JAK1: variants seen among roughly 807,000 people sequenced by gnomAD.
JAK1 encodes the protein tyrosine-protein kinase JAK1.
A neutral mutation model predicts 136.6 loss-of-function variants in JAK1; 16 were observed. That is an observed-to-expected ratio of 0.12 (90% confidence interval 0.08 to 0.18). The LOEUF is 0.18. JAK1 is among the 10% of genes least tolerant of loss of function. The pLI, the probability that JAK1 is intolerant of heterozygous loss-of-function variation, is 1.00. For missense variants in JAK1, 859 were observed against 1,450.1 expected (o/e 0.59, Z 6.62); for synonymous variants, 492 against 519.5 (o/e 0.95, Z 0.72).
chr1:64,896,691 T>C (rs1223260465), intron 1 of JAK1, among the ~76,000 whole-genome samples: 2 of 152,042 alleles, frequency 1.3e-5, no homozygotes, highest in African/African-American at 4.8e-5. Flanking sequence ...CCCAAGCACA[T>C]AGCAAGGTAA....
At position 64,844,643 on chromosome 1, in the gene JAK1, TAC is replaced by T; in HGVS notation, c.2251+109_2251+110del. The stretch of plus-strand genomic sequence containing the variant: ...TGGTGAAACCCCGTCTCTACTAAAA[TAC>T]AAAAAAAAAATGACTCTCTAAAAGG... On this transcript the variant is annotated intron_variant, in intron 16 of 24. Coordinates refer to ENST00000342505, the MANE Select transcript of JAK1 (RefSeq NM_002227.4). The surrounding 1 kb of genome is among the most constrained non-coding windows in gnomAD (Gnocchi z 5.7). The T allele has an allele frequency of 1.5e-6, 2 of 1,304,960 alleles. No homozygotes were observed. Among genetic ancestry groups the T allele is most frequent in the South Asian group, 2.6e-5 (2 of 77,894 alleles). 80.8% of individuals were successfully genotyped at this position (1,304,960 alleles called of 1,614,324 possible). A position where few individuals can be genotyped will look rare whatever the true frequency, so the allele number is the denominator to read the frequency against.
intron 7 of JAK1, among the ~76,000 whole-genome samples, chr1:64,865,357 A>G (rs185036931): frequency 6.6e-6 from 1 of 152,350 alleles, no homozygotes; most frequent in East Asian, 1.9e-4. Context: ...GTTACCACTG[A>G]GCTGAACATG....
At chr1:64,927,715 T>C (rs189411536) in intron 1 of JAK1, among the ~76,000 whole-genome samples, 17 of 152,320 alleles carry the variant, frequency 1.1e-4, no homozygotes, top group African/African-American at 4.1e-4. Context: ...ATTCTCTCTA[T>C]TTGGTCAACG....
chr1:65,020,225 C>CAAAAAA (rs375362876), intron 2 of JAK1, among the ~76,000 whole-genome samples: 4 of 50,766 alleles, frequency 7.9e-5, no homozygotes, highest in Admixed American at 2.1e-4. Flanking sequence ...AACTCCGTCT[C>CAAAAAA]AAAAAAAAAA....
At chr1:64,867,507 A>G (rs1051752357) in intron 6 of JAK1, among the ~76,000 whole-genome samples, 1 of 152,218 alleles carries the variant, frequency 6.6e-6, no homozygotes, top group African/African-American at 2.4e-5. Flanking sequence ...TTTGCTTGCT[A>G]GCTTCACCAT....
intron 4 of JAK1, among the ~76,000 whole-genome samples, chr1:64,875,772 T>C (rs2101180458): frequency 6.6e-6 from 1 of 152,228 alleles, no homozygotes; most frequent in East Asian, 1.9e-4. Flanking sequence ...GCTGGACTGT[T>C]CCCTTACCCT....
At chr1:64,912,204 T>G (rs957484840) in intron 1 of JAK1, among the ~76,000 whole-genome samples, 2 of 152,184 alleles carry the variant, frequency 1.3e-5, no homozygotes, top group African/African-American at 4.8e-5. Context: ...GACAATTTTT[T>G]GAACTCTCCA....
chr1:65,052,898 G>A lies in JAK1; in HGVS notation c.-180-8316C>T, dbSNP rs1450960733. ...AAAAAAAAATTAGCCAAGCATGGCG[G>A]CGCATGCCTGTAATCCCAGCTACTC... On this transcript the variant is annotated intron_variant, in intron 1 of 25. Coordinates refer to the JAK1 transcript ENST00000671954. Among the ~76,000 whole-genome samples, 4 of 151,146 alleles carry A rather than the reference G, an allele frequency of 2.6e-5. No homozygotes were observed. The South Asian group carries it at 6.3e-4, about 24-fold the overall frequency.
rs2101008585 is a variant in JAK1 at position 64,846,684 on chromosome 1, A to G, written c.1952T>C (p.Val651Ala). The change falls in exon 14 of 25, where the codon GTG (valine) becomes GCG (alanine). Residue 651 changes from valine (V) to alanine (A), a missense_variant. Physicochemically the swap from Val to Ala is moderately conservative, Grantham distance 64 (BLOSUM62 0). Around this residue, in one of 4 missense-constraint regions of JAK1, gnomAD observed 409 missense variants for 753.8 expected, o/e 0.54. Transcript: ENST00000342505. ...MMRQVSHKHI[V>A]YLYGVCVRDV... is the part of the protein sequence containing the mutation. ...GCGGACACAGACGCCATAGAGGTAC[A>G]CGATGTGTTTGTGGGAGACCTGTCT... The G allele has an allele frequency of 1.2e-6, 2 of 1,614,094 alleles. No homozygotes were observed. The highest frequency in any genetic ancestry group is 4.5e-5 in the East Asian group (2 of 44,868).
intron 1 of JAK1, among the ~76,000 whole-genome samples, chr1:64,890,274 T>C (rs1046444982): frequency 1.3e-5 from 2 of 151,964 alleles, no homozygotes; most frequent in African/African-American, 4.8e-5. Flanking sequence ...TTGTATTTAG[T>C]GCTTTATCCT....
At chr1:64,948,159 T>C (rs1328057268) in intron 1 of JAK1, among the ~76,000 whole-genome samples, 1 of 152,196 alleles carries the variant, frequency 6.6e-6, no homozygotes, top group Non-Finnish European at 1.5e-5. Context: ...CTTGGTTTGG[T>C]TCCCACTAAT....
rs13375281 is a variant in JAK1 at position 65,040,996 on chromosome 1, A to G, written c.-78+3484T>C. Among the ~76,000 whole-genome samples, 369 of 152,254 alleles carry G rather than the reference A, an allele frequency of 2.4e-3. 2 individuals carry two copies. The highest frequency in any genetic ancestry group is 8.6e-3 in the African/African-American group (356 of 41,568). On this transcript the variant is annotated intron_variant, in intron 2 of 25. Coordinates refer to the JAK1 transcript ENST00000671954. ...GTATATCATCGCTCCTGTTGCTATC[A>G]CAGATCCATCATTTCAATGTAGTGG...
intron 2 of JAK1, among the ~76,000 whole-genome samples, chr1:64,999,585 A>T (rs1463301083): frequency 6.6e-6 from 1 of 152,102 alleles, no homozygotes; most frequent in Non-Finnish European, 1.5e-5. Context: ...AATAGAAAAA[A>T]TTAACTGGGT....
chr1:64,918,721 G>A (rs1470324666), intron 1 of JAK1: 1 of 173,200 alleles, frequency 5.8e-6, no homozygotes, highest in Non-Finnish European at 1.2e-5. Flanking sequence ...TTAGAATGAA[G>A]ATCTTCCAGA....
At chr1:64,858,305 A>G (rs1022782270) in intron 9 of JAK1, among the ~76,000 whole-genome samples, 1 of 152,202 alleles carries the variant, frequency 6.6e-6, no homozygotes, top group Non-Finnish European at 1.5e-5. Context: ...GAGTCCTGGC[A>G]TGTAGAGAGC....
intron 1 of JAK1, among the ~76,000 whole-genome samples, chr1:64,962,532 T>C (rs1453051446): frequency 6.6e-6 from 1 of 152,180 alleles, no homozygotes; most frequent in Non-Finnish European, 1.5e-5. Context: ...TGCTTTCCTG[T>C]CGCCTTAAAC....
intron 1 of JAK1, among the ~76,000 whole-genome samples, chr1:65,060,251 G>A (rs1220489437): frequency 6.6e-6 from 1 of 152,048 alleles, no homozygotes; most frequent in African/African-American, 2.4e-5. Context: ...TTATTTTAGA[G>A]TAAAATTTTA....
At chr1:64,965,892 G>C (rs1327265777) in intron 1 of JAK1, among the ~76,000 whole-genome samples, 2 of 152,152 alleles carry the variant, frequency 1.3e-5, no homozygotes, top group African/African-American at 4.8e-5. Context: ...GGCCGAAGAA[G>C]AAAACCTTTC....
intron 17 of JAK1, among the ~76,000 whole-genome samples, chr1:64,842,834 C>A (rs758905367): frequency 6.6e-6 from 1 of 152,148 alleles, no homozygotes; most frequent in South Asian, 2.1e-4. Flanking sequence ...GGTTTCCCTG[C>A]GGGTTTAAGA....
Sources: gnomAD v4.1 joint callset for allele counts (sites outside exome capture counted in the v4.1 genomes callset) on GRCh38, gnomAD v4.1.1 for gene constraint, gnomAD v4.1.1 regional missense constraint, Gnocchi (gnomAD v3.1) non-coding constraint, MANE v1.5 for transcripts, NCBI Gene and HGNC (gene_info 2026-07-23, HGNC 2026-07-21) for gene names.